PAK5: variants seen among roughly 807,000 people sequenced by gnomAD.
PAK5 encodes the protein serine/threonine-protein kinase PAK 5.
PAK5 carries 16 observed loss-of-function variants against 65.9 expected under a neutral mutation model. The ratio of observed to expected loss-of-function variants is 0.24; its 90% CI spans 0.16 to 0.37. The LOEUF (loss-of-function observed/expected upper bound fraction) is 0.37, where lower values mean the gene tolerates loss of function less well. Among genes scored for constraint, PAK5 ranks in the 10% least tolerant of loss-of-function variants. The probability of loss-of-function intolerance (pLI) is 1.00; values close to 1 mark genes in which losing one functional copy is unlikely to be tolerated. For missense variants in PAK5, 785 were observed against 903.9 expected (o/e 0.87, Z 1.69); for synonymous variants, 371 against 354.9 (o/e 1.05, Z -0.51).
intron 1 of PAK5, among the ~76,000 whole-genome samples, chr20:9,720,888 T>C (rs1400509359): frequency 6.6e-6 from 1 of 152,084 alleles, no homozygotes; most frequent in Admixed American, 6.5e-5. Flanking sequence ...ATATGAACTA[T>C]CCAGAATAGG....
At chr20:9,783,384 G>C (rs888609824) in intron 1 of PAK5, among the ~76,000 whole-genome samples, 25 of 152,174 alleles carry the variant, frequency 1.6e-4, no homozygotes, top group Admixed American at 1.4e-3. Flanking sequence ...TTAAGGTCCA[G>C]ATAGCTGCTT....
At chr20:9,556,851 G>A (rs2045515265) in intron 7 of PAK5, among the ~76,000 whole-genome samples, 1 of 152,088 alleles carries the variant, frequency 6.6e-6, no homozygotes. Context: ...AACCTATATT[G>A]ACTGCATTTT....
At chr20:9,685,492 G>C (rs1600240676) in intron 2 of PAK5, among the ~76,000 whole-genome samples, 1 of 152,194 alleles carries the variant, frequency 6.6e-6, no homozygotes, top group Admixed American at 6.5e-5. Flanking sequence ...GAGAGTAAAA[G>C]ATTGCCAGAA....
At chr20:9,806,502 T>C (rs1291806457) in intron 1 of PAK5, among the ~76,000 whole-genome samples, 2 of 152,170 alleles carry the variant, frequency 1.3e-5, no homozygotes, top group East Asian at 3.9e-4. Flanking sequence ...CCCTACCTCC[T>C]ATATCTATAT....
At chr20:9,732,110 G>A (rs773846152) in intron 1 of PAK5, among the ~76,000 whole-genome samples, 2 of 152,030 alleles carry the variant, frequency 1.3e-5, no homozygotes, top group Non-Finnish European at 2.9e-5. Context: ...GAGGTCAGGT[G>A]GCATGTCAAG....
In PAK5 at chr20:9,542,681, T is replaced by C; in HGVS notation, c.1909A>G (p.Ile637Val). 1 of 1,614,022 alleles carries C rather than the reference T, an allele frequency of 6.2e-7. No homozygotes were observed. Among genetic ancestry groups the C allele is most frequent in the Non-Finnish European group, 8.5e-7 (1 of 1,179,908 alleles). ...TTGAAGTAGGGGGGCTCGCCATCAATCATTTCTATCACCATGATCCCGAGG... is the reference window on the plus strand; with the variant it reads ...TTGAAGTAGGGGGGCTCGCCATCAACCATTTCTATCACCATGATCCCGAGG... ...WSLGIMVIEMIDGEPPYFNEP... is the reference protein window; with the variant it reads ...WSLGIMVIEMVDGEPPYFNEP... Residue 637 changes from isoleucine to valine, a missense_variant, in exon 9 of 10, where the codon ATT becomes GTT. Ile to Val is a conservative substitution (Grantham distance 29). Around this residue, in one of 4 missense-constraint regions of PAK5, gnomAD observed 110 missense variants for 107.4 expected, o/e 1.02. Coordinates refer to ENST00000353224, the MANE Select transcript of PAK5 (RefSeq NM_177990.4).
At chr20:9,714,335 A>C (rs1159761792) in intron 1 of PAK5, among the ~76,000 whole-genome samples, 1 of 152,098 alleles carries the variant, frequency 6.6e-6, no homozygotes, top group Non-Finnish European at 1.5e-5. Flanking sequence ...GGATGAGATA[A>C]GAAATAACAG....
At chr20:9,721,925 T>C (rs2048219888) in intron 1 of PAK5, among the ~76,000 whole-genome samples, 1 of 152,162 alleles carries the variant, frequency 6.6e-6, no homozygotes, top group Non-Finnish European at 1.5e-5. Flanking sequence ...ACTTCTCCCA[T>C]ATATCATGTT....
chr20:9,757,821 A>G (rs1245847077), intron 1 of PAK5, among the ~76,000 whole-genome samples: 4 of 152,176 alleles, frequency 2.6e-5, no homozygotes, highest in Non-Finnish European at 4.4e-5. Flanking sequence ...CTTCTTTCAA[A>G]ATACTTTGAT....
chr20:9,594,082 A>T (rs944929312), intron 3 of PAK5, among the ~76,000 whole-genome samples: 3 of 152,180 alleles, frequency 2.0e-5, no homozygotes, highest in Admixed American at 2.0e-4. Context: ...TACATCTCTG[A>T]TCATCGTTCT....
At chr20:9,599,938 T>C (rs116239780) in intron 3 of PAK5, among the ~76,000 whole-genome samples, 1,727 of 152,334 alleles carry the variant, frequency 0.011, 34 homozygotes, top group African/African-American at 0.038. Flanking sequence ...TCCAATGTCA[T>C]GAAGCTTCCG....
chr20:9,698,820 C>T (rs2047902745), intron 2 of PAK5, among the ~76,000 whole-genome samples: 1 of 152,098 alleles, frequency 6.6e-6, no homozygotes. Flanking sequence ...AGTGAGAATT[C>T]CATGGAATAA....
chr20:9,645,916 T>C (rs1320600936), intron 2 of PAK5, among the ~76,000 whole-genome samples: 1 of 152,216 alleles, frequency 6.6e-6, no homozygotes, highest in Non-Finnish European at 1.5e-5. Context: ...TATATATTCT[T>C]CACAGCATTT....
intron 3 of PAK5, among the ~76,000 whole-genome samples, chr20:9,595,041 A>G (rs6039519): frequency 0.16 from 24,402 of 151,454 alleles, 2,309 homozygotes; most frequent in East Asian, 0.29. Flanking sequence ...GTGTATTTAG[A>G]TGTGTGTGTG....
At chr20:9,756,277 T>A (rs554081951) in intron 1 of PAK5, among the ~76,000 whole-genome samples, 1 of 152,256 alleles carries the variant, frequency 6.6e-6, no homozygotes, top group Admixed American at 6.5e-5. Context: ...AGGAGCACAA[T>A]CTAGTTGAGA....
intron 3 of PAK5, among the ~76,000 whole-genome samples, chr20:9,584,049 A>C (rs532164005): frequency 6.6e-6 from 1 of 152,168 alleles, no homozygotes; most frequent in South Asian, 2.1e-4. Flanking sequence ...TGATTGCCAA[A>C]GTAGGGGATG....
chr20:9,774,740 G>A (rs1298663335), intron 1 of PAK5, among the ~76,000 whole-genome samples: 3 of 152,000 alleles, frequency 2.0e-5, no homozygotes, highest in Admixed American at 6.6e-5. Flanking sequence ...TCAGGAGATC[G>A]AGACCATCCT....
intron 3 of PAK5, among the ~76,000 whole-genome samples, chr20:9,641,603 T>C (rs946787897): frequency 1.3e-5 from 2 of 151,816 alleles, no homozygotes; most frequent in Non-Finnish European, 2.9e-5. Context: ...TCCTCAGCCC[T>C]TGGGTGGTCG....
At chr20:9,729,275 A>G (rs2048309699) in intron 1 of PAK5, among the ~76,000 whole-genome samples, 1 of 152,110 alleles carries the variant, frequency 6.6e-6, no homozygotes, top group Admixed American at 6.6e-5. Flanking sequence ...AATTTATTTG[A>G]ATGAGATGCT....
Sources: gnomAD v4.1 joint callset for allele counts (sites outside exome capture counted in the v4.1 genomes callset) on GRCh38, gnomAD v4.1.1 for gene constraint, gnomAD v4.1.1 regional missense constraint, MANE v1.5 for transcripts, NCBI Gene and HGNC (gene_info 2026-07-23, HGNC 2026-07-21) for gene names.